PLPPR1: variants seen among roughly 807,000 people sequenced by gnomAD.
PLPPR1 encodes phospholipid phosphatase-related protein type 1.
PLPPR1 carries 10 observed loss-of-function variants against 33.1 expected under a neutral mutation model. That is an observed-to-expected ratio of 0.30 (90% CI 0.19 to 0.51). PLPPR1 has a LOEUF of 0.51. Among genes scored for constraint, PLPPR1 ranks in the 20% least tolerant of loss-of-function variants. The pLI, the probability that PLPPR1 is intolerant of heterozygous loss-of-function variation, is 0.97. For synonymous variants in PLPPR1, 151 were observed against 151.0 expected (o/e 1.00, Z 0.00); for missense variants, 304 against 408.1 (o/e 0.74, Z 2.20).
chr9:101,299,778 C>G (rs370613932), intron 4 of PLPPR1, among the ~76,000 whole-genome samples: 31 of 152,282 alleles, frequency 2.0e-4, no homozygotes, highest in South Asian at 1.4e-3. Context: ...TTCTTACCCT[C>G]AGCACTCTCG....
intron 2 of PLPPR1, among the ~76,000 whole-genome samples, chr9:101,191,276 A>T (rs993023546): frequency 2.6e-5 from 4 of 152,186 alleles, no homozygotes; most frequent in African/African-American, 4.8e-5. Flanking sequence ...ACATGAGGAC[A>T]TCTATTTTCT....
chr9:101,044,260 CT>C (rs1442452165), intron 1 of PLPPR1, among the ~76,000 whole-genome samples: 1 of 152,218 alleles, frequency 6.6e-6, no homozygotes, highest in Non-Finnish European at 1.5e-5. Flanking sequence ...TGTCTGCTCT[CT>C]TGCGTATTTT....
chr9:101,057,444 G>A (rs114972821), intron 1 of PLPPR1, among the ~76,000 whole-genome samples: 2 of 151,962 alleles, frequency 1.3e-5, no homozygotes, highest in South Asian at 2.1e-4. Flanking sequence ...CATTATCAAG[G>A]TATATCATTC....
intron 1 of PLPPR1, among the ~76,000 whole-genome samples, chr9:101,095,436 G>A (rs563212079): frequency 6.6e-6 from 1 of 152,274 alleles, no homozygotes; most frequent in East Asian, 1.9e-4. Flanking sequence ...TTGTTTGCCT[G>A]TATAAATGGA....
intron 1 of PLPPR1, among the ~76,000 whole-genome samples, chr9:101,144,222 C>T (rs1201160776): frequency 2.0e-5 from 3 of 151,928 alleles, no homozygotes; most frequent in African/African-American, 7.3e-5. Flanking sequence ...ACAAAGAGAA[C>T]ACCTGGATAC....
chr9:101,319,634 GTTTA>G (rs1270915070), intron 7 of PLPPR1, among the ~76,000 whole-genome samples: 1 of 152,026 alleles, frequency 6.6e-6, no homozygotes, highest in Non-Finnish European at 1.5e-5. Context: ...AATATTTCTG[GTTTA>G]TTTATATACA....
chr9:101,238,900 AC>A (rs1020789669), intron 2 of PLPPR1, among the ~76,000 whole-genome samples: 1 of 149,196 alleles, frequency 6.7e-6, no homozygotes, highest in Non-Finnish European at 1.5e-5. Flanking sequence ...TTTCCTTCTT[AC>A]CCTTCCAGCT....
intron 2 of PLPPR1, among the ~76,000 whole-genome samples, chr9:101,243,656 G>A (rs1000700789): frequency 6.6e-6 from 1 of 151,844 alleles, no homozygotes; most frequent in African/African-American, 2.4e-5. Context: ...TTGACTATAA[G>A]GTGCCTAAGA....
intron 2 of PLPPR1, among the ~76,000 whole-genome samples, chr9:101,258,299 C>T (rs1214832353): frequency 4.6e-5 from 7 of 152,132 alleles, no homozygotes; most frequent in Admixed American, 1.3e-4. Flanking sequence ...CTTTCTCAGC[C>T]ACTCATCTAT....
At chr9:101,318,179 A>G (rs1318264912) in intron 7 of PLPPR1, among the ~76,000 whole-genome samples, 1 of 152,206 alleles carries the variant, frequency 6.6e-6, no homozygotes, top group Non-Finnish European at 1.5e-5. Flanking sequence ...AAATAAATAA[A>G]TAAATCACAG....
intron 1 of PLPPR1, among the ~76,000 whole-genome samples, chr9:101,100,697 C>T (rs374424413): frequency 6.8e-6 from 1 of 146,940 alleles, no homozygotes; most frequent in Non-Finnish European, 1.5e-5. Flanking sequence ...CTCTTTGTTC[C>T]GTGTGTGTGT....
In PLPPR1 at chr9:101,057,034, G is replaced by A. The variant is rs545445349; in HGVS notation, c.-46+27932G>A. On this transcript the variant is annotated intron_variant, in intron 1 of 7. Transcript: ENST00000374874. The stretch of plus-strand genomic sequence containing the variant: ...CAGCTTTCCAGGCACAAGATAATAC[G>A]CCAAACATACCTAATGCATGAAGCC... Among the ~76,000 whole-genome samples the A allele has an allele frequency of 2.6e-4, 39 of 152,136 alleles. 1 individual carries two copies. In the South Asian group the frequency reaches 6.0e-3, roughly 23 times the overall value.
In PLPPR1 at chr9:101,086,278, A is replaced by T. The variant is rs77569595; in HGVS notation, c.-46+57176A>T. On this transcript the variant is annotated intron_variant, in intron 1 of 7. Coordinates refer to ENST00000374874, the MANE Select transcript of PLPPR1 (RefSeq NM_207299.2). ...AGAGTTTTACTGGGGATCGGCACTT[A>T]TGGAAGAGGTGGGAGGAAGCAAGAT... Among the ~76,000 whole-genome samples, 944 of 152,280 alleles carry T rather than the reference A, an allele frequency of 6.2e-3. 11 individuals are homozygous for T. The highest frequency in any genetic ancestry group is 0.022 in the African/African-American group (909 of 41,570).
chr9:101,164,425 C>T (rs1171786102), intron 1 of PLPPR1, among the ~76,000 whole-genome samples: 3 of 150,508 alleles, frequency 2.0e-5, no homozygotes, highest in East Asian at 3.9e-4. Context: ...TGCAGAGGCA[C>T]GATCTTGGCT....
chr9:101,183,346 A>C (rs751144961), intron 1 of PLPPR1, among the ~76,000 whole-genome samples: 20 of 151,824 alleles, frequency 1.3e-4, no homozygotes, highest in Non-Finnish European at 2.4e-4. Context: ...AAAATTACTG[A>C]ATGTGCAACA....
intron 4 of PLPPR1, among the ~76,000 whole-genome samples, chr9:101,297,743 T>A (rs910022218): frequency 6.6e-6 from 1 of 152,340 alleles, no homozygotes. Context: ...AAAACAAATG[T>A]AATCAAATTA....
At chr9:101,306,719 A>C (rs1196852341) in intron 4 of PLPPR1, among the ~76,000 whole-genome samples, 1 of 152,202 alleles carries the variant, frequency 6.6e-6, no homozygotes, top group African/African-American at 2.4e-5. Flanking sequence ...GAAATGAAAA[A>C]TATCTATTAA....
At chr9:101,099,968 T>A (rs182088106) in intron 1 of PLPPR1, among the ~76,000 whole-genome samples, 1 of 152,268 alleles carries the variant, frequency 6.6e-6, no homozygotes. Flanking sequence ...TGATTATTTT[T>A]TCTCAGTGTA....
At chr9:101,045,466 A>G (rs1221554245) in intron 1 of PLPPR1, among the ~76,000 whole-genome samples, 2 of 152,218 alleles carry the variant, frequency 1.3e-5, no homozygotes, top group East Asian at 3.8e-4. Context: ...AATACATGGA[A>G]TGACTCTGAG....
Sources: allele counts gnomAD v4.1 joint callset (sites outside exome capture counted in the v4.1 genomes callset), GRCh38; gene constraint gnomAD v4.1.1; transcripts MANE v1.5; gene names NCBI Gene and HGNC (gene_info 2026-07-23, HGNC 2026-07-21).